Variants in KLHL3 observed in about 807,000 individuals in gnomAD.
The protein encoded by KLHL3 is kelch like family member 3.
KLHL3 carries 19 observed loss-of-function variants against 70.5 expected under a neutral mutation model. That is an observed-to-expected ratio of 0.27 (90% confidence interval 0.19 to 0.40). The LOEUF (loss-of-function observed/expected upper bound fraction) is 0.40. Among genes scored for constraint, KLHL3 ranks in the 10% least tolerant of loss-of-function variants. The pLI is 1.00. For missense variants in KLHL3, 512 were observed against 771.1 expected (o/e 0.66, Z 3.98); for synonymous variants, 258 against 290.3 (o/e 0.89, Z 1.13).
At chr5:137,697,320 C>A (rs538198831) in intron 4 of KLHL3, among the ~76,000 whole-genome samples, 1 of 152,124 alleles carries the variant, frequency 6.6e-6, no homozygotes, top group African/African-American at 2.4e-5. Context: ...CCTGCCACCA[C>A]GCCCAGCTAA....
intron 4 of KLHL3, among the ~76,000 whole-genome samples, chr5:137,696,621 T>C (rs1752449751): frequency 6.6e-6 from 1 of 152,190 alleles, no homozygotes; most frequent in African/African-American, 2.4e-5. Context: ...AAGGTTCTGA[T>C]CATTCATTTC....
At chr5:137,631,089 A>AGAG (rs1421351799) in intron 12 of KLHL3, among the ~76,000 whole-genome samples, 1 of 141,978 alleles carries the variant, frequency 7.0e-6, no homozygotes, top group African/African-American at 2.8e-5. Context: ...AAAAAAAAAA[A>AGAG]AGAGAGAGAG....
chr5:137,735,142 G>C (rs768162026), intron 1 of KLHL3, among the ~76,000 whole-genome samples: 1 of 152,064 alleles, frequency 6.6e-6, no homozygotes, highest in Non-Finnish European at 1.5e-5. Flanking sequence ...GTGCACGCGC[G>C]CACACACACA....
At chr5:137,670,998 A>C (rs1351509645) in intron 6 of KLHL3, among the ~76,000 whole-genome samples, 1 of 151,780 alleles carries the variant, frequency 6.6e-6, no homozygotes, top group Non-Finnish European at 1.5e-5. Flanking sequence ...AACAACAAAA[A>C]AGCCCCAAAC....
At chr5:137,716,017 T>C (rs975257420) in intron 2 of KLHL3, among the ~76,000 whole-genome samples, 1 of 152,200 alleles carries the variant, frequency 6.6e-6, no homozygotes, top group Admixed American at 6.5e-5. Context: ...GTAATCACTA[T>C]GTTATATGGC....
intron 8 of KLHL3, among the ~76,000 whole-genome samples, chr5:137,640,929 C>T (rs973025644): frequency 6.6e-6 from 1 of 152,108 alleles, no homozygotes; most frequent in Non-Finnish European, 1.5e-5. Flanking sequence ...TTTGGCTATA[C>T]ACACTTACAT....
chr5:137,628,260 C>T lies in KLHL3; in HGVS notation c.1591+37G>A, dbSNP rs77277885. On this transcript the variant is annotated intron_variant, in intron 13 of 14. Transcript: ENST00000309755. ...AGTGTCTTCAGGGAGAAAAGGCACA[C>T]AACCCCCAAAGGGGAGATGGAGAGA... 1,285 of 1,611,280 alleles carry T rather than the reference C, an allele frequency of 8.0e-4. 5 individuals carry two copies. In the African/African-American group the frequency reaches 0.015, roughly 19 times the overall value.
rs570448532 is a variant in KLHL3, at chr5:137,735,782, C to T, written c.-136G>A. The T allele has an allele frequency of 1.7e-6, 2 of 1,171,168 alleles. No homozygotes were observed. The highest frequency in any genetic ancestry group is 4.7e-5 in the East Asian group (2 of 42,752). 72.5% of individuals were successfully genotyped at this position (1,171,168 alleles called of 1,614,324 possible). A position where few individuals can be genotyped will look rare whatever the true frequency, so the allele number is the denominator to read the frequency against. On this transcript the variant is annotated 5_prime_UTR_variant, in exon 1 of 15. Coordinates refer to ENST00000309755, the MANE Select transcript of KLHL3 (RefSeq NM_017415.3). ...TGATTCAGCATGGCTGCAAGTGAAGCCTCCTCCCTTCTCAATCCTCCTTCC... is the reference window on the plus strand; with the variant it reads ...TGATTCAGCATGGCTGCAAGTGAAGTCTCCTCCCTTCTCAATCCTCCTTCC...
intron 2 of KLHL3, among the ~76,000 whole-genome samples, chr5:137,718,226 G>A (rs1752933049): frequency 1.3e-5 from 2 of 152,230 alleles, no homozygotes. Flanking sequence ...AGAAGAAGAA[G>A]CAGGACTGTT....
chr5:137,697,288 C>G (rs1752469365), intron 4 of KLHL3, among the ~76,000 whole-genome samples: 1 of 151,986 alleles, frequency 6.6e-6, no homozygotes. Flanking sequence ...CTCGGCCTCC[C>G]AAGTAGATGG....
intron 1 of KLHL3, chr5:137,725,199 T>C (rs1753067157): frequency 8.2e-6 from 2 of 242,556 alleles, no homozygotes; most frequent in Non-Finnish European, 6.6e-6. Context: ...CAGACCACAC[T>C]AAGGTATATT....
In KLHL3 at chr5:137,658,747, G is replaced by C. The variant is rs112211736; in HGVS notation, c.754-467C>G. ...TGTGGGAGCCATCAGCCAACCTTTG[G>C]AGGCATTGAGTAAAATAAGCTTGTC... is the stretch of plus-strand genomic sequence containing the variant. On this transcript the variant is annotated intron_variant, in intron 7 of 14. Transcript: ENST00000309755. Among the ~76,000 whole-genome samples the C allele has an allele frequency of 1.0e-3, 158 of 152,282 alleles. 2 individuals are homozygous for C. Among genetic ancestry groups the C allele is most frequent in the African/African-American group, 3.6e-3 (150 of 41,546 alleles).
chr5:137,657,483 G>A (rs1245563124), intron 8 of KLHL3, among the ~76,000 whole-genome samples: 7 of 152,176 alleles, frequency 4.6e-5, no homozygotes, highest in South Asian at 4.2e-4. Context: ...AAGAAGACTC[G>A]CAGGGAACCA....
rs372156603 is a variant in KLHL3 at position 137,640,907 on chromosome 5, T to G, written c.904-930A>C. Among the ~76,000 whole-genome samples the G allele has an allele frequency of 1.1e-4, 16 of 152,358 alleles. No individual in the cohort carries two copies. The South Asian group carries it at 1.9e-3, about 18-fold the overall frequency. ...AAAATATGATAAGAATATTATTTCA[T>G]GAAATATTGGTTTTGGCTATACACA... is the stretch of plus-strand genomic sequence containing the variant. On this transcript the variant is annotated intron_variant, in intron 8 of 14. Transcript: ENST00000309755.
chr5:137,718,348 G>C (rs1752935573), intron 2 of KLHL3, among the ~76,000 whole-genome samples: 1 of 152,058 alleles, frequency 6.6e-6, no homozygotes, highest in Admixed American at 6.6e-5. Context: ...TTAAAGAAAA[G>C]GGGGCTGGGC....
intron 13 of KLHL3, among the ~76,000 whole-genome samples, chr5:137,627,052 G>A (rs1750483586): frequency 6.6e-6 from 1 of 151,758 alleles, no homozygotes; most frequent in South Asian, 2.1e-4. Flanking sequence ...TTTTAAATGT[G>A]TGTACTAATT....
intron 8 of KLHL3, among the ~76,000 whole-genome samples, chr5:137,657,053 T>G (rs1453526475): frequency 2.6e-5 from 4 of 152,218 alleles, no homozygotes; most frequent in African/African-American, 9.6e-5. Context: ...CTGAGACATT[T>G]GTTCACATTG....
rs766825906 is a variant in KLHL3 at position 137,639,054 on chromosome 5, T to C, written c.1118A>G (p.Gln373Arg). The C allele has an allele frequency of 3.7e-5, 59 of 1,614,018 alleles. No individual in the cohort carries two copies. Among genetic ancestry groups the C allele is most frequent in the Non-Finnish European group, 4.8e-5 (57 of 1,180,024 alleles). The change falls in exon 10 of 15, where the codon CAG becomes CGG. Residue 373 changes from glutamine to arginine, a missense_variant. Transcript: ENST00000309755. This position sits in a 1 kb window ranked among gnomAD's most constrained non-coding sequence, Gnocchi z 5.0. ...CTGCATGCTGGCAATGGACGTCCAC[T>C]GGTCCTTCACGCCGTCATACACATC... ...TVDVYDGVKD[Q>R]WTSIASMQER...
intron 12 of KLHL3, chr5:137,628,901 G>T (rs1288447057): frequency 6.6e-6 from 1 of 152,070 alleles, no homozygotes; most frequent in Non-Finnish European, 1.5e-5. Context: ...TATCTATATT[G>T]CCTAGTTTTC....
Sources: allele counts gnomAD v4.1 joint callset (sites outside exome capture counted in the v4.1 genomes callset), GRCh38; gene constraint gnomAD v4.1.1; non-coding constraint Gnocchi (gnomAD v3.1); transcripts MANE v1.5; gene names NCBI Gene and HGNC (gene_info 2026-07-23, HGNC 2026-07-21).